The following SPATA18 variants were observed in gnomAD, a reference collection of about 807,000 sequenced individuals.
The protein encoded by SPATA18 is mitochondria-eating protein.
In SPATA18, 54 loss-of-function variants were observed where a neutral mutation model predicts 68.1. The ratio of observed to expected loss-of-function variants is 0.79; its 90% CI spans 0.64 to 0.99. The LOEUF is 0.99. Among genes scored for constraint, SPATA18 ranks in the 50% least tolerant of loss-of-function variants. SPATA18 has a pLI of 0.00. For synonymous variants in SPATA18, 242 were observed against 244.8 expected (o/e 0.99, Z 0.11); for missense variants, 724 against 681.1 (o/e 1.06, Z -0.70).
At chr4:52,082,762 C>G (rs1741057629) in intron 10 of SPATA18, 2 of 1,313,816 alleles carry the variant, frequency 1.5e-6, no homozygotes, top group Non-Finnish European at 1.9e-6. Flanking sequence ...TCATATTTAC[C>G]TCCTCCATCT....
rs550463966 is a variant in SPATA18, at chr4:52,093,103, A to G, written c.1564-1424A>G. ...AAATCCCCCATGACAAGGTTTTACCAATATAACAAACCTGCAGATGTACCC... is the reference window on the plus strand; with the variant it reads ...AAATCCCCCATGACAAGGTTTTACCGATATAACAAACCTGCAGATGTACCC... On this transcript the variant is annotated intron_variant, in intron 11 of 12. Coordinates refer to ENST00000295213, the MANE Select transcript of SPATA18 (RefSeq NM_145263.4). Among the ~76,000 whole-genome samples, 5 of 152,320 alleles carry G rather than the reference A, an allele frequency of 3.3e-5. No homozygotes were observed. In the East Asian group the frequency reaches 5.8e-4, roughly 18 times the overall value.
intron 1 of SPATA18, among the ~76,000 whole-genome samples, chr4:52,052,484 C>T (rs1312644100): frequency 6.6e-6 from 1 of 152,156 alleles, no homozygotes; most frequent in African/African-American, 2.4e-5. Context: ...ATAATTCCCC[C>T]CTTCCCCCAA....
In SPATA18 at chr4:52,087,682, A is replaced by G. The variant is rs184373751; in HGVS notation, c.1563+2683A>G. ...GTTTTGCTTACTCTAGCCTTGTAGT[A>G]TAGTTTGAAGTCAGGTAGCGTGATG... On this transcript the variant is annotated intron_variant, in intron 11 of 12. Transcript: ENST00000295213. Among the ~76,000 whole-genome samples, 16 of 152,204 alleles carry G rather than the reference A, an allele frequency of 1.1e-4. No individual in the cohort carries two copies. In the East Asian group the frequency reaches 2.7e-3, roughly 26 times the overall value.
At chr4:52,057,150 C>T (rs1467736047) in intron 1 of SPATA18, among the ~76,000 whole-genome samples, 1 of 152,020 alleles carries the variant, frequency 6.6e-6, no homozygotes, top group Admixed American at 6.6e-5. Flanking sequence ...ATCTCACTTC[C>T]CCATCTAATT....
At chr4:52,082,337 T>C in intron 9 of SPATA18, 50 bp from the exon 10 acceptor site, 5 of 1,537,612 alleles carry the variant, frequency 3.3e-6, no homozygotes, top group Non-Finnish European at 1.8e-6. Flanking sequence ...CCCCTAGATA[T>C]GCTCCATAAT....
In SPATA18 at chr4:52,051,598, G is replaced by A; in HGVS notation, c.-107G>A. ...CACCTGCCGCGCTCTGAGCCCCCCA[G>A]AAGAGAACACCCTTCCCGCCATATC... On this transcript the variant is annotated 5_prime_UTR_variant, in exon 1 of 13. Coordinates refer to ENST00000295213, the MANE Select transcript of SPATA18 (RefSeq NM_145263.4). 9.2e-7 allele frequency: 1 copy of A among 1,081,824 alleles called. No individual in the cohort carries two copies. 67.0% of individuals were successfully genotyped at this position (1,081,824 alleles called of 1,614,324 possible).
chr4:52,081,195 C>T (rs1173170794), intron 9 of SPATA18, among the ~76,000 whole-genome samples: 1 of 152,176 alleles, frequency 6.6e-6, no homozygotes, highest in African/African-American at 2.4e-5. Context: ...GGAATCTGCA[C>T]ATGTCAAAGA....
intron 11 of SPATA18, among the ~76,000 whole-genome samples, chr4:52,090,410 G>A (rs1741830569): frequency 6.6e-6 from 1 of 152,102 alleles, no homozygotes; most frequent in South Asian, 2.1e-4. Context: ...TTTTTGCAGT[G>A]GCTGGTACCG....
At chr4:52,056,481 G>A (rs1738352380) in intron 1 of SPATA18, among the ~76,000 whole-genome samples, 1 of 152,174 alleles carries the variant, frequency 6.6e-6, no homozygotes, top group East Asian at 1.9e-4. Flanking sequence ...ACAGGGCCTG[G>A]CTGGCATATA....
chr4:52,077,154 G>A (rs1578181959), intron 7 of SPATA18, 114 bp downstream of exon 7: 2 of 1,156,706 alleles, frequency 1.7e-6, no homozygotes, highest in East Asian at 2.7e-5. Context: ...TGAAGTGGGG[G>A]AGATTCCAGT....
chr4:52,095,057 C>G lies in SPATA18; in HGVS notation c.*170C>G. 1 of 708,832 alleles carries G rather than the reference C, an allele frequency of 1.4e-6. No individual in the cohort carries two copies. Among genetic ancestry groups the G allele is most frequent in the South Asian group, 1.7e-5 (1 of 57,714 alleles). The allele number at this position is 708,832 out of a possible 1,614,324, so 43.9% of individuals were successfully genotyped here. ...ATGTTTTGGCTTGGCGCATTTGTAA[C>G]TTTAGATATATTGCATTCTATTTTA... On this transcript the variant is annotated 3_prime_UTR_variant, in exon 13 of 13. Coordinates refer to ENST00000295213, the MANE Select transcript of SPATA18 (RefSeq NM_145263.4).
chr4:52,053,430 T>C (rs1428013764), intron 1 of SPATA18, among the ~76,000 whole-genome samples: 1 of 152,178 alleles, frequency 6.6e-6, no homozygotes, highest in East Asian at 1.9e-4. Context: ...GCAGGCATCA[T>C]TATCACATTG....
intron 6 of SPATA18, among the ~76,000 whole-genome samples, chr4:52,074,082 A>G (rs367810202): frequency 2.6e-5 from 4 of 152,188 alleles, no homozygotes; most frequent in African/African-American, 7.2e-5. Context: ...CCAAGGGGCA[A>G]GAGTTGCGAT....
At chr4:52,072,255 A>T in intron 6 of SPATA18, 99 bp downstream of exon 6, 1 of 1,514,310 alleles carries the variant, frequency 6.6e-7, no homozygotes, top group Non-Finnish European at 8.8e-7. Flanking sequence ...TGATACCCTG[A>T]ACCAAAACCT....
intron 6 of SPATA18, among the ~76,000 whole-genome samples, chr4:52,074,959 G>A (rs981946443): frequency 6.6e-6 from 1 of 152,180 alleles, no homozygotes; most frequent in African/African-American, 2.4e-5. Flanking sequence ...CAAGGCCCCA[G>A]CAGTCATCTA....
chr4:52,062,347 A>G lies in SPATA18; in HGVS notation c.422+15A>G. ...GTTCAAGACGAGTAAGAGGAATGCA[A>G]GTTATCTTTTTCCAAAAAGAATTGT... On this transcript the variant is annotated intron_variant, in intron 4 of 12. Transcript: ENST00000295213. The G allele has an allele frequency of 6.6e-7, 1 of 1,508,910 alleles. No individual in the cohort carries two copies. 93.5% of individuals were successfully genotyped at this position (1,508,910 alleles called of 1,614,324 possible).
intron 1 of SPATA18, among the ~76,000 whole-genome samples, chr4:52,052,101 C>T (rs1737937435): frequency 6.6e-6 from 1 of 152,130 alleles, no homozygotes; most frequent in Admixed American, 6.5e-5. Flanking sequence ...AATAGGGAAG[C>T]CCTGCTGTCC....
Position 52,078,664 on chromosome 4 carries a change from C to A in SPATA18, c.1021-71C>A, listed in dbSNP as rs142721823. The A allele has an allele frequency of 6.2e-3, 8,568 of 1,383,012 alleles. 55 individuals are homozygous for A. Among genetic ancestry groups the A allele is most frequent in the Middle Eastern group, 0.034 (172 of 5,124 alleles). 85.7% of individuals were successfully genotyped at this position (1,383,012 alleles called of 1,614,324 possible). A position where few individuals can be genotyped will look rare whatever the true frequency, so the allele number is the denominator to read the frequency against. Reference sequence around the variant, plus strand: ...TATGATGTTGAAGCTCGGATTCTTTCTAATTCCTTGTTTTGGATCTCTTCA... The same window carrying A: ...TATGATGTTGAAGCTCGGATTCTTTATAATTCCTTGTTTTGGATCTCTTCA... On this transcript the variant is annotated intron_variant, in intron 7 of 12. Coordinates refer to ENST00000295213, the MANE Select transcript of SPATA18 (RefSeq NM_145263.4).
intron 4 of SPATA18, among the ~76,000 whole-genome samples, chr4:52,062,698 GGAAA>G (rs202176637): frequency 0.011 from 1,624 of 152,176 alleles, 51 homozygotes; most frequent in Admixed American, 0.075. Flanking sequence ...GATGTGAAAG[GGAAA>G]GAATAAAAGA....
Sources: gnomAD v4.1 joint callset for allele counts (sites outside exome capture counted in the v4.1 genomes callset) on GRCh38, gnomAD v4.1.1 for gene constraint, MANE v1.5 for transcripts, NCBI Gene and HGNC (gene_info 2026-07-23, HGNC 2026-07-21) for gene names.